The following TOX3 variants were observed in gnomAD, a reference collection of about 807,000 sequenced individuals.
TOX3 encodes the protein CAG trinucleotide repeat-containing gene F9 protein.
A neutral mutation model predicts 64.3 loss-of-function variants in TOX3; 22 were observed. The ratio of observed to expected loss-of-function variants is 0.34; its 90% confidence interval spans 0.24 to 0.49. TOX3 has a LOEUF of 0.49. Ranked by LOEUF, TOX3 falls within the 20% of genes least tolerant of loss-of-function variation. The pLI, the probability that TOX3 is intolerant of heterozygous loss-of-function variation, is 0.99. For synonymous variants in TOX3, 291 were observed against 273.6 expected (o/e 1.06, Z -0.63); for missense variants, 661 against 714.4 (o/e 0.93, Z 0.85).
At chr16:52,447,575 T>C (rs1281932223) in intron 4 of TOX3, among the ~76,000 whole-genome samples, 1 of 152,198 alleles carries the variant, frequency 6.6e-6, no homozygotes, top group East Asian at 1.9e-4. Flanking sequence ...TTTATCTGAG[T>C]AGTTTACAAG....
intron 6 of TOX3, among the ~76,000 whole-genome samples, chr16:52,442,921 A>C (rs1436608643): frequency 6.6e-6 from 1 of 152,118 alleles, no homozygotes; most frequent in Non-Finnish European, 1.5e-5. Flanking sequence ...TCTAGTATGC[A>C]ATGTGTAAGT....
intron 5 of TOX3, chr16:52,444,575 G>A: frequency 2.6e-6 from 1 of 387,810 alleles, no homozygotes; most frequent in Non-Finnish European, 4.5e-6. Flanking sequence ...CCTCACTGGA[G>A]CACAATTTTT....
intron 1 of TOX3, among the ~76,000 whole-genome samples, chr16:52,495,351 A>G (rs1324994125): frequency 6.6e-6 from 1 of 152,174 alleles, no homozygotes; most frequent in Non-Finnish European, 1.5e-5. Flanking sequence ...GTGACTCTCC[A>G]CTAATGATTA....
At chr16:52,463,831 C>T (rs1012639574) in intron 3 of TOX3, 103 bp downstream of exon 3, 58 of 1,364,858 alleles carry the variant, frequency 4.2e-5, no homozygotes, top group Non-Finnish European at 5.5e-5. Flanking sequence ...AATCAATCCA[C>T]TAGGAACAGG....
intron 1 of TOX3, among the ~76,000 whole-genome samples, chr16:52,523,296 G>T (rs1426844443): frequency 2.6e-5 from 4 of 152,110 alleles, no homozygotes; most frequent in African/African-American, 7.2e-5. Context: ...AGAAGAGCGG[G>T]GTATGTGGTG....
chr16:52,520,494 T>C (rs1299781075), intron 1 of TOX3, among the ~76,000 whole-genome samples: 1 of 152,252 alleles, frequency 6.6e-6, no homozygotes. Flanking sequence ...CCTAGATCAG[T>C]GTCTGCCAAA....
intron 3 of TOX3, among the ~76,000 whole-genome samples, chr16:52,451,761 C>T (rs1426343393): frequency 6.6e-6 from 1 of 152,118 alleles, no homozygotes; most frequent in African/African-American, 2.4e-5. Flanking sequence ...TCAAAGAAAA[C>T]TAGTTGAATA....
intron 3 of TOX3, among the ~76,000 whole-genome samples, chr16:52,453,617 T>C (rs994576709): frequency 6.6e-6 from 1 of 152,248 alleles, no homozygotes; most frequent in Non-Finnish European, 1.5e-5. Context: ...TTAACTGGTA[T>C]GGTCATGAAA....
At chr16:52,508,187 A>G (rs1297012248) in intron 1 of TOX3, among the ~76,000 whole-genome samples, 1 of 152,242 alleles carries the variant, frequency 6.6e-6, no homozygotes, top group Non-Finnish European at 1.5e-5. Flanking sequence ...ATGAAGGCTG[A>G]TTTGGAGGAA....
chr16:52,464,615 C>A (rs181973971), intron 2 of TOX3, among the ~76,000 whole-genome samples: 2 of 152,218 alleles, frequency 1.3e-5, no homozygotes, highest in Admixed American at 6.5e-5. Context: ...GTGAACATTA[C>A]ATATATTTAC....
chr16:52,514,448 C>T (rs1286298460), intron 1 of TOX3, among the ~76,000 whole-genome samples: 2 of 152,172 alleles, frequency 1.3e-5, no homozygotes, highest in African/African-American at 4.8e-5. Context: ...AACCACTAAA[C>T]CATTCATATA....
At chr16:52,499,826 T>C (rs1278856117) in intron 1 of TOX3, among the ~76,000 whole-genome samples, 2 of 152,222 alleles carry the variant, frequency 1.3e-5, no homozygotes, top group African/African-American at 4.8e-5. Context: ...CCAGCCACCC[T>C]AGGTACAAGG....
intron 1 of TOX3, among the ~76,000 whole-genome samples, chr16:52,490,331 A>G (rs1961645125): frequency 6.6e-6 from 1 of 152,172 alleles, no homozygotes; most frequent in Non-Finnish European, 1.5e-5. Context: ...AAGCCTGTGG[A>G]ACTGTGAGTC....
At chr16:52,526,413 G>A (rs992388395) in intron 1 of TOX3, among the ~76,000 whole-genome samples, 1 of 152,204 alleles carries the variant, frequency 6.6e-6, no homozygotes. Flanking sequence ...AGCCAAATGA[G>A]TGTTCAAGGA....
intron 1 of TOX3, among the ~76,000 whole-genome samples, chr16:52,487,129 T>A (rs1216794516): frequency 2.6e-5 from 4 of 151,976 alleles, no homozygotes; most frequent in Non-Finnish European, 5.9e-5. Context: ...TTTCTTATAA[T>A]AAAGCAGAAG....
intron 1 of TOX3, among the ~76,000 whole-genome samples, chr16:52,488,101 C>T (rs2151454980): frequency 6.6e-6 from 1 of 152,256 alleles, no homozygotes; most frequent in Non-Finnish European, 1.5e-5. Context: ...ATGTCTCTGC[C>T]TATGTATCCT....
chr16:52,448,715 T>C (rs1461104076), intron 4 of TOX3, among the ~76,000 whole-genome samples: 2 of 152,224 alleles, frequency 1.3e-5, no homozygotes, highest in African/African-American at 4.8e-5. Flanking sequence ...AAATAGATGA[T>C]GCTCAGGGTT....
At chr16:52,496,719 T>A (rs779305335) in intron 1 of TOX3, among the ~76,000 whole-genome samples, 1 of 152,218 alleles carries the variant, frequency 6.6e-6, no homozygotes, top group African/African-American at 2.4e-5. Flanking sequence ...GACAAAAAAG[T>A]GAGATCTGGT....
chr16:52,469,792 T>C (rs1960986721), intron 1 of TOX3, among the ~76,000 whole-genome samples: 1 of 152,276 alleles, frequency 6.6e-6, no homozygotes, highest in East Asian at 1.9e-4. Context: ...CTAACACTTA[T>C]TTCTGGGGGG....
Sources: gnomAD v4.1 joint callset for allele counts (sites outside exome capture counted in the v4.1 genomes callset) on GRCh38, gnomAD v4.1.1 for gene constraint, MANE v1.5 for transcripts, NCBI Gene and HGNC (gene_info 2026-07-23, HGNC 2026-07-21) for gene names.